TOX2: variants seen among roughly 807,000 people sequenced by gnomAD.
TOX2 encodes the protein granulosa cell HMG box 1.
A neutral mutation model predicts 47.4 loss-of-function variants in TOX2; 15 were observed. That is an observed-to-expected ratio of 0.32 (90% CI 0.21 to 0.49). TOX2 has a LOEUF of 0.49. TOX2 is among the 20% of genes least tolerant of loss of function. The pLI, the probability that TOX2 is intolerant of heterozygous loss-of-function variation, is 0.99. For missense variants in TOX2, 622 were observed against 673.1 expected (o/e 0.92, Z 0.84); for synonymous variants, 290 against 296.6 (o/e 0.98, Z 0.23).
intron 1 of TOX2, among the ~76,000 whole-genome samples, chr20:43,932,551 G>T (rs898989545): frequency 1.3e-5 from 2 of 152,248 alleles, no homozygotes; most frequent in African/African-American, 4.8e-5. Flanking sequence ...GACAGGCAGA[G>T]TTGACGGAGC....
intron 5 of TOX2, among the ~76,000 whole-genome samples, chr20:44,056,012 A>C (rs953285445): frequency 1.3e-5 from 2 of 152,182 alleles, no homozygotes; most frequent in African/African-American, 2.4e-5. Flanking sequence ...AAAGGAGGGC[A>C]GCCAGGAAAG....
chr20:44,037,236 G>A (rs572942002), intron 3 of TOX2, among the ~76,000 whole-genome samples: 1 of 152,364 alleles, frequency 6.6e-6, no homozygotes, highest in Admixed American at 6.5e-5. Flanking sequence ...TTACAGGCAT[G>A]AGCCATGGCG....
intron 2 of TOX2, among the ~76,000 whole-genome samples, chr20:43,983,711 C>T (rs553860595): frequency 1.3e-5 from 2 of 152,130 alleles, no homozygotes; most frequent in African/African-American, 4.8e-5. Flanking sequence ...ATGATGATAC[C>T]GATGATCAAT....
chr20:43,987,883 G>A (rs1232690451), intron 2 of TOX2, among the ~76,000 whole-genome samples: 2 of 136,038 alleles, frequency 1.5e-5, no homozygotes, highest in Non-Finnish European at 3.2e-5. Flanking sequence ...TGTGGACAGA[G>A]TTTTAGGAAA....
chr20:44,010,436 T>C (rs6031293), intron 3 of TOX2, among the ~76,000 whole-genome samples: 150,624 of 152,322 alleles, frequency 0.99, 74,474 homozygotes, highest in East Asian at 1. Context: ...TTTTATATTT[T>C]CTCTTTATGT....
At chr20:43,975,031 T>C (rs752966408) in intron 2 of TOX2, among the ~76,000 whole-genome samples, 1 of 152,264 alleles carries the variant, frequency 6.6e-6, no homozygotes, top group Non-Finnish European at 1.5e-5. Context: ...TAATTGTACA[T>C]AATCAACTGA....
intron 1 of TOX2, among the ~76,000 whole-genome samples, chr20:43,963,345 C>A (rs2069794865): frequency 6.6e-6 from 1 of 151,992 alleles, no homozygotes; most frequent in Non-Finnish European, 1.5e-5. Context: ...CCTGAAGGGG[C>A]CCACAGCACT....
intron 5 of TOX2, among the ~76,000 whole-genome samples, chr20:44,061,271 A>G (rs572065958): frequency 6.6e-6 from 1 of 152,288 alleles, no homozygotes; most frequent in South Asian, 2.1e-4. Context: ...GACCAGATAG[A>G]TTCAGAGCTG....
chr20:43,985,265 C>T (rs942837561), intron 2 of TOX2, among the ~76,000 whole-genome samples: 10 of 152,192 alleles, frequency 6.6e-5, no homozygotes, highest in Non-Finnish European at 1.5e-4. Context: ...GCCCCCTTCA[C>T]CCACTGCCTG....
At chr20:44,009,687 C>T (rs769452853) in intron 3 of TOX2, among the ~76,000 whole-genome samples, 2 of 152,198 alleles carry the variant, frequency 1.3e-5, no homozygotes, top group African/African-American at 4.8e-5. Flanking sequence ...GTTTCCAGTT[C>T]GTTAGAATGC....
intron 5 of TOX2, among the ~76,000 whole-genome samples, chr20:44,061,580 C>T (rs2071719446): frequency 6.7e-6 from 1 of 149,750 alleles, no homozygotes; most frequent in African/African-American, 2.5e-5. Context: ...CCCACTCTTA[C>T]CACTTCTATT....
intron 2 of TOX2, among the ~76,000 whole-genome samples, chr20:43,983,101 A>C (rs964484201): frequency 3.9e-5 from 6 of 151,908 alleles, no homozygotes; most frequent in African/African-American, 7.3e-5. Context: ...TGAGCCTCAC[A>C]GGGCATGCGC....
At chr20:43,992,234 C>T (rs1449198868) in intron 2 of TOX2, among the ~76,000 whole-genome samples, 1 of 152,134 alleles carries the variant, frequency 6.6e-6, no homozygotes, top group Non-Finnish European at 1.5e-5. Context: ...GGTGGAAGAA[C>T]TGGGAGACTT....
At chr20:44,010,541 G>A (rs1451001663) in intron 3 of TOX2, among the ~76,000 whole-genome samples, 1 of 152,210 alleles carries the variant, frequency 6.6e-6, no homozygotes, top group Non-Finnish European at 1.5e-5. Flanking sequence ...GGGACTATCT[G>A]GTGAAGAGAG....
chr20:44,062,301 GAT>G (rs1290584807), intron 5 of TOX2, among the ~76,000 whole-genome samples: 3 of 151,508 alleles, frequency 2.0e-5, no homozygotes, highest in Admixed American at 1.3e-4. Flanking sequence ...CAAATCAATA[GAT>G]CTGCTATACA....
At chr20:43,920,175 C>T (rs749132625) in intron 1 of TOX2, among the ~76,000 whole-genome samples, 10 of 152,338 alleles carry the variant, frequency 6.6e-5, no homozygotes, top group Non-Finnish European at 7.3e-5. Context: ...CACCTGGCAT[C>T]GTGCCTGACT....
chr20:43,924,265 T>C (rs2145834987), intron 1 of TOX2, among the ~76,000 whole-genome samples: 1 of 152,314 alleles, frequency 6.6e-6, no homozygotes, highest in Middle Eastern at 3.4e-3. Context: ...CTTTGTCTCA[T>C]GAAGTGAGAG....
intron 1 of TOX2, among the ~76,000 whole-genome samples, chr20:43,930,892 T>G (rs918230213): frequency 1.3e-5 from 2 of 152,224 alleles, no homozygotes; most frequent in African/African-American, 4.8e-5. Context: ...GCTTGCAAAC[T>G]GCACTGCCCT....
intron 1 of TOX2, among the ~76,000 whole-genome samples, chr20:43,944,834 A>G (rs2145359915): frequency 6.6e-6 from 1 of 152,356 alleles, no homozygotes; most frequent in African/African-American, 2.4e-5. Context: ...TCCCCATTTT[A>G]CAGGTGAAGA....
Sources: gnomAD v4.1 joint callset for allele counts (sites outside exome capture counted in the v4.1 genomes callset) on GRCh38, gnomAD v4.1.1 for gene constraint, MANE v1.5 for transcripts, NCBI Gene and HGNC (gene_info 2026-07-23, HGNC 2026-07-21) for gene names.